The following MDGA2 variants were observed in gnomAD, a reference collection of about 807,000 sequenced individuals.
The protein encoded by MDGA2 is MAM domain-containing glycosylphosphatidylinositol anchor protein 2.
Under a neutral mutation model 117.8 loss-of-function variants are expected in MDGA2, and 40 were observed. That is an observed-to-expected ratio of 0.34 (90% CI 0.26 to 0.44). The LOEUF is 0.44. Ranked by LOEUF, MDGA2 falls within the 20% of genes least tolerant of loss-of-function variation. The probability of loss-of-function intolerance (pLI) is 1.00; values close to 1 mark genes in which losing one functional copy is unlikely to be tolerated. For missense variants in MDGA2, 1,123 were observed against 1,250.6 expected (o/e 0.90, Z 1.54); for synonymous variants, 452 against 439.0 (o/e 1.03, Z -0.37).
chr14:46,855,356 G>A lies in MDGA2; in HGVS notation c.2753-202C>T, dbSNP rs1367362071. Among the ~76,000 whole-genome samples the A allele has an allele frequency of 6.6e-6, 1 of 152,062 alleles. No homozygotes were observed. The highest frequency in any genetic ancestry group is 1.5e-5 in the Non-Finnish European group (1 of 68,010). The stretch of plus-strand genomic sequence containing the variant: ...AAAGTAACCATCTCCTAATTCCCTA[G>A]AACATGTGCATGTTGCCTGATATTG... On this transcript the variant is annotated intron_variant, in intron 14 of 16. Transcript: ENST00000399232. The surrounding 1 kb of genome is among the most constrained non-coding windows in gnomAD (Gnocchi z 4.1).
intron 3 of MDGA2, among the ~76,000 whole-genome samples, chr14:47,148,872 A>C (rs1028329980): frequency 3.9e-5 from 6 of 152,056 alleles, no homozygotes; most frequent in African/African-American, 1.4e-4. Flanking sequence ...ATTTGTGTAG[A>C]TTGTGCAATA....
At chr14:47,327,723 ATGTG>A (rs1890183531) in intron 1 of MDGA2, among the ~76,000 whole-genome samples, 1 of 152,172 alleles carries the variant, frequency 6.6e-6, no homozygotes, top group African/African-American at 2.4e-5. Context: ...AAACATTTAT[ATGTG>A]TGTATTTCCA....
intron 2 of MDGA2, among the ~76,000 whole-genome samples, chr14:47,270,845 AAT>A (rs1685045486): frequency 6.6e-6 from 1 of 152,122 alleles, no homozygotes; most frequent in Admixed American, 6.6e-5. Context: ...AAGACGTAGA[AAT>A]ATATGTCTTC....
At chr14:47,143,081 T>C (rs757582166) in intron 4 of MDGA2, among the ~76,000 whole-genome samples, 25 of 152,134 alleles carry the variant, frequency 1.6e-4, no homozygotes, top group Non-Finnish European at 2.6e-4. Flanking sequence ...TATAAGGAAA[T>C]ATATTCAATG....
intron 11 of MDGA2, 78 bp from the exon 12 acceptor site, chr14:46,877,587 C>A: frequency 9.7e-7 from 1 of 1,033,278 alleles, no homozygotes; most frequent in Non-Finnish European, 1.4e-6. Flanking sequence ...AAATAAAAGT[C>A]TAATCAGTGT....
At chr14:47,123,671 TGA>T (rs1437537420) in intron 5 of MDGA2, among the ~76,000 whole-genome samples, 1 of 152,040 alleles carries the variant, frequency 6.6e-6, no homozygotes, top group African/African-American at 2.4e-5. Context: ...ACCTAGAATA[TGA>T]GTCATTTCTA....
chr14:47,214,072 G>A (rs1157254784), intron 3 of MDGA2, among the ~76,000 whole-genome samples: 2 of 152,020 alleles, frequency 1.3e-5, no homozygotes, highest in Admixed American at 6.6e-5. Context: ...ACTATCACGA[G>A]AACTGCATGG....
chr14:47,588,261 T>TATAC (rs1178110400), intron 1 of MDGA2, among the ~76,000 whole-genome samples: 5 of 103,802 alleles, frequency 4.8e-5, no homozygotes, highest in South Asian at 4.7e-4. Context: ...TATATATATA[T>TATAC]ACACACACAC....
intron 1 of MDGA2, among the ~76,000 whole-genome samples, chr14:47,355,317 TCG>T (rs1022300171): frequency 2.1e-4 from 32 of 152,110 alleles, no homozygotes; most frequent in Non-Finnish European, 1.5e-5. Context: ...TAGGGTGCAT[TCG>T]CTAACGCTGG....
At chr14:46,949,886 G>T (rs1885307428) in intron 9 of MDGA2, among the ~76,000 whole-genome samples, 1 of 151,748 alleles carries the variant, frequency 6.6e-6, no homozygotes, top group South Asian at 2.1e-4. Flanking sequence ...GGATGGCAGG[G>T]TTGAATGCTA....
intron 1 of MDGA2, among the ~76,000 whole-genome samples, chr14:47,346,134 G>C (rs780563384): frequency 8.5e-5 from 13 of 152,052 alleles, no homozygotes; most frequent in Non-Finnish European, 1.8e-4. Context: ...TAAGGTGACG[G>C]ATATGCTAAT....
At chr14:47,200,456 A>G in intron 3 of MDGA2, 1 of 466,314 alleles carries the variant, frequency 2.1e-6, no homozygotes, top group Non-Finnish European at 3.7e-6. Context: ...TAATCAATAT[A>G]TGACATTAGT....
intron 1 of MDGA2, among the ~76,000 whole-genome samples, chr14:47,557,923 G>T (rs1895715565): frequency 6.6e-6 from 1 of 152,154 alleles, no homozygotes; most frequent in Admixed American, 6.6e-5. Context: ...TCCATAAGAT[G>T]GGTAAATAGA....
rs557370739 is a variant in MDGA2 at position 47,036,097 on chromosome 14, G to A, written c.1526-793C>T. Among the ~76,000 whole-genome samples the A allele has an allele frequency of 7.9e-5, 12 of 151,432 alleles. No individual in the cohort carries two copies. The East Asian group carries it at 2.0e-3, about 25-fold the overall frequency. Reference sequence around the variant, plus strand: ...ATCCTGGCTAACACGGTGAAACCCCGTCTCTACTAAAAATACAAAAAAATT... The same window carrying A: ...ATCCTGGCTAACACGGTGAAACCCCATCTCTACTAAAAATACAAAAAAATT... On this transcript the variant is annotated intron_variant, in intron 7 of 16. Transcript: ENST00000399232.
At chr14:46,961,161 A>G (rs1324101914) in intron 8 of MDGA2, among the ~76,000 whole-genome samples, 2 of 151,962 alleles carry the variant, frequency 1.3e-5, no homozygotes, top group Admixed American at 6.6e-5. Context: ...GCTGTTCTGC[A>G]GTTTCAATAT....
chr14:47,042,867 C>T (rs899725551), intron 7 of MDGA2, among the ~76,000 whole-genome samples: 1 of 152,038 alleles, frequency 6.6e-6, no homozygotes, highest in African/African-American at 2.4e-5. Context: ...AACCTCCATA[C>T]ATTAATATTT....
intron 1 of MDGA2, among the ~76,000 whole-genome samples, chr14:47,470,563 C>T: frequency 6.6e-6 from 1 of 152,016 alleles, no homozygotes; most frequent in East Asian, 1.9e-4. Flanking sequence ...GTGAATAGTG[C>T]CACAATAAAC....
chr14:47,003,176 G>A (rs1207697038), intron 8 of MDGA2, among the ~76,000 whole-genome samples: 1 of 152,106 alleles, frequency 6.6e-6, no homozygotes, highest in South Asian at 2.1e-4. Flanking sequence ...TGTTGCGTGT[G>A]TCCATGATTG....
chr14:47,178,872 G>T (rs921814530), intron 3 of MDGA2, among the ~76,000 whole-genome samples: 2 of 152,000 alleles, frequency 1.3e-5, no homozygotes, highest in Non-Finnish European at 2.9e-5. Context: ...CAGGTAGAGG[G>T]AACAGTATAC....
Sources: allele counts gnomAD v4.1 joint callset (sites outside exome capture counted in the v4.1 genomes callset), GRCh38; gene constraint gnomAD v4.1.1; non-coding constraint Gnocchi (gnomAD v3.1); transcripts MANE v1.5; gene names NCBI Gene and HGNC (gene_info 2026-07-23, HGNC 2026-07-21).